SLC9A7: variants seen among roughly 807,000 people sequenced by gnomAD.
SLC9A7 encodes the protein sodium/hydrogen exchanger 7.
In SLC9A7, 19 loss-of-function variants were observed where a neutral mutation model predicts 52.6. The observed-to-expected ratio is 0.36, with a 90% CI of 0.25 to 0.53. The LOEUF is 0.53. Among genes scored for constraint, SLC9A7 ranks in the 20% least tolerant of loss-of-function variants. The probability of loss-of-function intolerance (pLI) is 0.91; values close to 1 mark genes in which losing one functional copy is unlikely to be tolerated. For missense variants in SLC9A7, 455 were observed against 597.9 expected (o/e 0.76, Z 2.49); for synonymous variants, 226 against 252.1 (o/e 0.90, Z 0.98).
rs958505929 is a variant in SLC9A7 at position 46,673,380 on chromosome X, A to T, written c.604-753T>A. On this transcript the variant is annotated intron_variant, in intron 3 of 16. Transcript: ENST00000616978. ...AACACACACACACACACACACACAC[A>T]CACGGATTTACTTGTTTTACCATGT... 3.6e-5 allele frequency among the ~76,000 whole-genome samples: 4 copies of T among 111,029 alleles called. No individual in the cohort carries two copies. The East Asian group carries it at 1.1e-3, about 31-fold the overall frequency.
chrX:46,613,278 G>T lies in SLC9A7; in HGVS notation c.1929+11C>A, dbSNP rs772833264. Reference sequence around the variant, plus strand: ...GTGACCAGGACTCCAACCCTGATGTGCAGTACTTACATCGTACACCTGGGG... The same window carrying T: ...GTGACCAGGACTCCAACCCTGATGTTCAGTACTTACATCGTACACCTGGGG... On this transcript the variant is annotated intron_variant, in intron 16 of 16. Transcript: ENST00000616978. 3.1e-5 allele frequency: 36 copies of T among 1,156,192 alleles called. No homozygotes were observed. In the Admixed American group the frequency reaches 5.4e-4, roughly 17 times the overall value.
intron 1 of SLC9A7, among the ~76,000 whole-genome samples, chrX:46,724,456 C>T (rs1246161775): frequency 9.0e-6 from 1 of 111,682 alleles, no homozygotes; most frequent in Non-Finnish European, 1.9e-5. Flanking sequence ...ATGTGGTTTC[C>T]GCAGTAGAGG....
At chrX:46,607,295 C>A (rs1942765047) in intron 16 of SLC9A7, 92 bp from the exon 17 acceptor site, 1 of 1,006,469 alleles carries the variant, frequency 9.9e-7, no homozygotes, top group African/African-American at 1.9e-5. Flanking sequence ...AACTCCTCAT[C>A]TGAAAACTGG....
At chrX:46,735,504 A>T (rs1480122607) in intron 1 of SLC9A7, among the ~76,000 whole-genome samples, 4 of 112,282 alleles carry the variant, frequency 3.6e-5, no homozygotes, top group Non-Finnish European at 5.6e-5. Flanking sequence ...TTTATTTTTT[A>T]AAAATCACTT....
intron 7 of SLC9A7, among the ~76,000 whole-genome samples, chrX:46,661,584 T>C (rs1003872092): frequency 9.0e-5 from 10 of 110,823 alleles, no homozygotes; most frequent in Non-Finnish European, 1.5e-4. Flanking sequence ...GGCCATCCTT[T>C]GCTTACGGAA....
chrX:46,671,392 C>T (rs1389126030), intron 4 of SLC9A7, among the ~76,000 whole-genome samples: 3 of 109,814 alleles, frequency 2.7e-5, no homozygotes, highest in African/African-American at 1.0e-4. Context: ...TCCTGAGTAG[C>T]TGGGACTACA....
chrX:46,668,521 A>G (rs1228922876), intron 5 of SLC9A7, among the ~76,000 whole-genome samples: 1 of 111,609 alleles, frequency 9.0e-6, no homozygotes, highest in East Asian at 2.8e-4. Flanking sequence ...AACAAAACAA[A>G]ACAAAAAAAA....
In SLC9A7 at chrX:46,627,779, G is replaced by C. The variant is rs765677929; in HGVS notation, c.1740+3807C>G. Reference sequence around the variant, plus strand: ...GGAAGCACAAAAAAATGGGCGGGTTGGGGGGGGGGCGGTGGTCACAGAGTA... The same window carrying C: ...GGAAGCACAAAAAAATGGGCGGGTTCGGGGGGGGGCGGTGGTCACAGAGTA... On this transcript the variant is annotated intron_variant, in intron 14 of 16. Coordinates refer to ENST00000616978, the MANE Select transcript of SLC9A7 (RefSeq NM_001257291.2). 5.8e-3 allele frequency among the ~76,000 whole-genome samples: 138 copies of C among 23,643 alleles called. 3 individuals are homozygous for C. In the South Asian group the frequency reaches 0.1, roughly 18 times the overall value. 20.5% of individuals were successfully genotyped at this position (23,643 alleles called of 115,157 possible). A position where few individuals can be genotyped will look rare whatever the true frequency, so the allele number is the denominator to read the frequency against.
At chrX:46,636,622 A>C (rs772479579) in intron 12 of SLC9A7, among the ~76,000 whole-genome samples, 6 of 110,353 alleles carry the variant, frequency 5.4e-5, no homozygotes, top group Non-Finnish European at 7.6e-5. Flanking sequence ...TGGGTATAAA[A>C]ATTGGTTCTT....
At chrX:46,757,964 T>C (rs1922802855) in intron 1 of SLC9A7, among the ~76,000 whole-genome samples, 1 of 111,627 alleles carries the variant, frequency 9.0e-6, no homozygotes, top group Non-Finnish European at 1.9e-5. Context: ...CATTCGGAAA[T>C]GTATCTCAAA....
chrX:46,707,425 T>A (rs1434977139), intron 1 of SLC9A7, among the ~76,000 whole-genome samples: 2 of 111,719 alleles, frequency 1.8e-5, no homozygotes, highest in African/African-American at 6.5e-5. Context: ...AGGCAGCCCC[T>A]ACCAAAAAGC....
At chrX:46,645,921 G>C (rs1057073978) in intron 11 of SLC9A7, among the ~76,000 whole-genome samples, 1 of 111,177 alleles carries the variant, frequency 9.0e-6, no homozygotes, top group Non-Finnish European at 1.9e-5. Flanking sequence ...GATCACGTGG[G>C]ATTATTTCAA....
intron 3 of SLC9A7, among the ~76,000 whole-genome samples, chrX:46,674,525 C>T (rs1043175870): frequency 3.0e-4 from 34 of 111,621 alleles, no homozygotes; most frequent in Non-Finnish European, 4.5e-4. Flanking sequence ...TACGAGAGAA[C>T]CCAAGGCTCA....
Position 46,648,780 on chromosome X carries a change from G to A in SLC9A7, c.1368C>T (p.Gly456=). 8.3e-7 allele frequency: 1 copy of A among 1,209,275 alleles called. No individual in the cohort carries two copies. Among genetic ancestry groups the A allele is most frequent in the Non-Finnish European group, 1.1e-6 (1 of 893,485 alleles). The change falls in exon 11 of 17, where the codon GGC becomes GGT. Residue 456 remains glycine (G), a synonymous_variant. Transcript: ENST00000616978. ...IIGAFVAIFL[G]RAAHIYPLSF... ...AGAGCGGGTAGATGTGCGCGGCTCT[G>A]CCCAGGAAGATGGCAACCTGACCAC...
At chrX:46,660,301 T>C (rs1243136776) in intron 7 of SLC9A7, among the ~76,000 whole-genome samples, 1 of 111,699 alleles carries the variant, frequency 9.0e-6, no homozygotes, top group Non-Finnish European at 1.9e-5. Context: ...ATTCAGGACA[T>C]AGGCATGGGT....
chrX:46,651,457 A>G (rs1943579829), intron 8 of SLC9A7, 53 bp from the exon 9 acceptor site: 2 of 992,052 alleles, frequency 2.0e-6, no homozygotes, highest in East Asian at 3.1e-5. Context: ...AGGCAGGGGA[A>G]AAAAAAAACC....
rs371039776 is a variant in SLC9A7, at chrX:46,631,577, G to T, written c.1740+9C>A. 20 of 1,202,006 alleles carry T rather than the reference G, an allele frequency of 1.7e-5. No homozygotes were observed. In the East Asian group the frequency reaches 1.8e-4, roughly 11 times the overall value. On this transcript the variant is annotated intron_variant, in intron 14 of 16. Coordinates refer to ENST00000616978, the MANE Select transcript of SLC9A7 (RefSeq NM_001257291.2). The stretch of plus-strand genomic sequence containing the variant: ...TCTTCCCCAGGAAGAAGCATCTCTT[G>T]TGACTTACCCCTTGTAAGACTTGAA...
chrX:46,673,386 A>C (rs1270884857), intron 3 of SLC9A7, among the ~76,000 whole-genome samples: 2 of 110,123 alleles, frequency 1.8e-5, no homozygotes, highest in Non-Finnish European at 3.8e-5. Flanking sequence ...ACACACACGG[A>C]TTTACTTGTT....
intron 11 of SLC9A7, 108 bp downstream of exon 11, chrX:46,648,578 C>T (rs1478138724): frequency 3.4e-6 from 2 of 587,120 alleles, no homozygotes; most frequent in African/African-American, 4.5e-5. Flanking sequence ...ACAAACGGAC[C>T]AGAAACTTGA....
Sources: gnomAD v4.1 joint callset for allele counts (sites outside exome capture counted in the v4.1 genomes callset) on GRCh38, gnomAD v4.1.1 for gene constraint, MANE v1.5 for transcripts, NCBI Gene and HGNC (gene_info 2026-07-23, HGNC 2026-07-21) for gene names.